The following SBF2 variants were observed in gnomAD, a reference collection of about 807,000 sequenced individuals.
SBF2 encodes the protein myotubularin-related protein 13.
SBF2 carries 112 observed loss-of-function variants against 225.2 expected under a neutral mutation model. The observed-to-expected ratio is 0.50, with a 90% confidence interval of 0.43 to 0.58. SBF2 has a LOEUF of 0.58. Ranked by LOEUF, SBF2 falls within the 20% of genes least tolerant of loss-of-function variation. The probability of loss-of-function intolerance (pLI) is 0.00; values close to 1 mark genes in which losing one functional copy is unlikely to be tolerated. For missense variants in SBF2, 1,996 were observed against 2,206.2 expected, an observed-to-expected ratio of 0.90 and a Z score of 1.91; for synonymous variants, 763 against 773.3, an observed-to-expected ratio of 0.99 and a Z score of 0.22.
At chr11:10,016,317 T>A (rs1019616654) in intron 6 of SBF2, among the ~76,000 whole-genome samples, 4 of 152,124 alleles carry the variant, frequency 2.6e-5, no homozygotes, top group African/African-American at 9.7e-5. Flanking sequence ...ATATGTCTCA[T>A]AATGTAGAAA....
chr11:9,974,751 G>A lies in SBF2; in HGVS notation c.1396-6206C>T, dbSNP rs188846721. On this transcript the variant is annotated intron_variant, in intron 13 of 39. Transcript: ENST00000256190. ...TGCGAGGCCGAGGCGGGTGGCTCAC[G>A]GGAGTTCGAGACCAGCCTGATCAAC... 8.6e-4 allele frequency among the ~76,000 whole-genome samples: 130 copies of A among 150,306 alleles called. 2 individuals carry two copies. In the East Asian group the frequency reaches 0.02, roughly 24 times the overall value.
intron 16 of SBF2, among the ~76,000 whole-genome samples, chr11:9,913,883 G>A (rs536683027): frequency 3.2e-4 from 48 of 152,272 alleles, no homozygotes; most frequent in Non-Finnish European, 6.0e-4. Flanking sequence ...TGTTGTTTAA[G>A]TAGAGACAGG....
chr11:9,880,815 G>A (rs1402451275), intron 17 of SBF2, among the ~76,000 whole-genome samples: 4 of 152,138 alleles, frequency 2.6e-5, no homozygotes, highest in African/African-American at 9.7e-5. Flanking sequence ...TGACTGCATG[G>A]ATTGCAGCTA....
chr11:10,055,540 C>T (rs1351705163), intron 2 of SBF2, among the ~76,000 whole-genome samples: 1 of 149,352 alleles, frequency 6.7e-6, no homozygotes, highest in Non-Finnish European at 1.5e-5. Flanking sequence ...CACACACACA[C>T]ACACACACAC....
intron 16 of SBF2, among the ~76,000 whole-genome samples, chr11:9,954,529 C>T (rs79440845): frequency 6.6e-6 from 1 of 152,260 alleles, no homozygotes; most frequent in African/African-American, 2.4e-5. Context: ...CTCTATACAA[C>T]GTTCAACAAC....
At chr11:10,173,283 G>A (rs1956291558) in intron 2 of SBF2, among the ~76,000 whole-genome samples, 1 of 152,318 alleles carries the variant, frequency 6.6e-6, no homozygotes, top group African/African-American at 2.4e-5. Context: ...CAGACAGTGG[G>A]CACAGGTCAG....
At chr11:10,033,235 G>A (rs1377754056) in intron 3 of SBF2, among the ~76,000 whole-genome samples, 1 of 152,102 alleles carries the variant, frequency 6.6e-6, no homozygotes, top group Non-Finnish European at 1.5e-5. Context: ...TAAAATTCTT[G>A]GAAGAGATAA....
intron 1 of SBF2, among the ~76,000 whole-genome samples, chr11:10,211,156 G>A (rs1957934359): frequency 6.6e-6 from 1 of 151,844 alleles, no homozygotes; most frequent in Admixed American, 6.6e-5. Context: ...CTGGTATCCA[G>A]TATTTAGAAA....
At chr11:9,945,803 T>C (rs977039570) in intron 16 of SBF2, among the ~76,000 whole-genome samples, 2 of 152,096 alleles carry the variant, frequency 1.3e-5, no homozygotes, top group African/African-American at 4.8e-5. Context: ...AAAGAAGACA[T>C]ATACATGGCC....
chr11:10,149,567 G>T (rs1269955811), intron 2 of SBF2: 1 of 152,120 alleles, frequency 6.6e-6, no homozygotes, highest in Admixed American at 6.5e-5. Context: ...CCAAAGGTAA[G>T]AGTTTTACAA....
chr11:10,207,571 C>A (rs1309917991), intron 1 of SBF2, among the ~76,000 whole-genome samples: 3 of 152,104 alleles, frequency 2.0e-5, no homozygotes, highest in Non-Finnish European at 4.4e-5. Context: ...AAGCTTACTG[C>A]TTGCCTGATT....
chr11:9,800,621 A>G (rs1853433726), intron 32 of SBF2, among the ~76,000 whole-genome samples: 1 of 152,054 alleles, frequency 6.6e-6, no homozygotes, highest in African/African-American at 2.4e-5. Context: ...GTTAGCCAGG[A>G]TGGTCTCTAT....
chr11:10,190,097 G>A (rs1957102833), intron 2 of SBF2, among the ~76,000 whole-genome samples: 1 of 151,280 alleles, frequency 6.6e-6, no homozygotes, highest in Non-Finnish European at 1.5e-5. Context: ...GCTGCAGTGA[G>A]CCAAGATTGC....
At chr11:10,037,298 T>G (rs150518538) in intron 3 of SBF2, among the ~76,000 whole-genome samples, 15 of 152,226 alleles carry the variant, frequency 9.9e-5, no homozygotes, top group African/African-American at 3.6e-4. Context: ...GTCTCCCAAT[T>G]TTTTCTCTGT....
intron 6 of SBF2, among the ~76,000 whole-genome samples, chr11:10,011,358 C>G (rs1948449933): frequency 6.6e-6 from 1 of 152,140 alleles, no homozygotes; most frequent in Non-Finnish European, 1.5e-5. Flanking sequence ...TCTCAAGTAG[C>G]TGGGACCATA....
At chr11:9,932,196 G>A (rs1195069910) in intron 16 of SBF2, among the ~76,000 whole-genome samples, 1 of 152,174 alleles carries the variant, frequency 6.6e-6, no homozygotes, top group African/African-American at 2.4e-5. Context: ...AACCAAGTTG[G>A]AAAACACTCT....
chr11:10,221,445 C>G (rs1337740278), intron 1 of SBF2, among the ~76,000 whole-genome samples: 1 of 152,130 alleles, frequency 6.6e-6, no homozygotes, highest in Admixed American at 6.6e-5. Flanking sequence ...AGAGCTGTGG[C>G]TTTTCTCACA....
At chr11:10,262,500 G>C (rs1961546432) in intron 1 of SBF2, among the ~76,000 whole-genome samples, 1 of 152,106 alleles carries the variant, frequency 6.6e-6, no homozygotes, top group Non-Finnish European at 1.5e-5. Flanking sequence ...CTGGCAATAT[G>C]ATAATTATCT....
chr11:10,207,995 C>T (rs1295030195), intron 1 of SBF2, among the ~76,000 whole-genome samples: 1 of 152,064 alleles, frequency 6.6e-6, no homozygotes, highest in Admixed American at 6.5e-5. Flanking sequence ...AATATAAATA[C>T]CTTCCCATGG....
Sources: allele counts gnomAD v4.1 joint callset (sites outside exome capture counted in the v4.1 genomes callset), GRCh38; gene constraint gnomAD v4.1.1; transcripts MANE v1.5; gene names NCBI Gene and HGNC (gene_info 2026-07-23, HGNC 2026-07-21).